The following STXBP5 variants were observed in gnomAD, a reference collection of about 807,000 sequenced individuals.
The protein encoded by STXBP5 is syntaxin binding protein 5.
STXBP5 carries 50 observed loss-of-function variants against 152.4 expected under a neutral mutation model. That is an observed-to-expected ratio of 0.33 (90% CI 0.26 to 0.42). STXBP5 has a LOEUF of 0.42. STXBP5 is among the 10% of genes least tolerant of loss of function. The probability of loss-of-function intolerance (pLI) is 1.00; values close to 1 mark genes in which losing one functional copy is unlikely to be tolerated. For synonymous variants in STXBP5, 492 were observed against 494.7 expected, an observed-to-expected ratio of 0.99 and a Z score of 0.07; for missense variants, 1,167 against 1,388.6, an observed-to-expected ratio of 0.84 and a Z score of 2.54.
chr6:147,283,551 G>A (rs952640336), intron 8 of STXBP5, among the ~76,000 whole-genome samples: 6 of 152,130 alleles, frequency 3.9e-5, no homozygotes, highest in Non-Finnish European at 8.8e-5. Flanking sequence ...AGCTCCCAGT[G>A]AGCACTTACA....
At chr6:147,247,940 A>G (rs956348831) in intron 4 of STXBP5, among the ~76,000 whole-genome samples, 1 of 152,182 alleles carries the variant, frequency 6.6e-6, no homozygotes, top group African/African-American at 2.4e-5. Flanking sequence ...AAAAGATTAT[A>G]TGGAAGGAGG....
intron 21 of STXBP5, among the ~76,000 whole-genome samples, chr6:147,341,096 G>A (rs1462233240): frequency 6.6e-6 from 1 of 152,036 alleles, no homozygotes; most frequent in Admixed American, 6.6e-5. Flanking sequence ...TAAATCACAA[G>A]ATTTGGGTAT....
intron 8 of STXBP5, 106 bp downstream of exon 8, chr6:147,278,310 G>A (rs1455784997): frequency 9.8e-6 from 11 of 1,127,768 alleles, no homozygotes; most frequent in Non-Finnish European, 1.3e-5. Context: ...GATAAGGATG[G>A]GTTTCCTTCT....
At chr6:147,230,276 G>A (rs548519874) in intron 2 of STXBP5, among the ~76,000 whole-genome samples, 1 of 151,782 alleles carries the variant, frequency 6.6e-6, no homozygotes, top group Non-Finnish European at 1.5e-5. Flanking sequence ...CATTTTATAC[G>A]TGGAGATATT....
At chr6:147,255,722 C>T (rs967474275) in intron 4 of STXBP5, among the ~76,000 whole-genome samples, 13 of 152,068 alleles carry the variant, frequency 8.5e-5, no homozygotes, top group South Asian at 4.1e-4. Flanking sequence ...TATATTGCCC[C>T]GGGCTCATCT....
chr6:147,312,579 C>T (rs1395447844), intron 11 of STXBP5, among the ~76,000 whole-genome samples: 3 of 151,970 alleles, frequency 2.0e-5, no homozygotes, highest in African/African-American at 7.3e-5. Context: ...GACAGAGATG[C>T]TGCAAAACAT....
intron 2 of STXBP5, among the ~76,000 whole-genome samples, chr6:147,225,430 C>G (rs114299384): frequency 1.3e-5 from 2 of 152,070 alleles, no homozygotes; most frequent in Non-Finnish European, 2.9e-5. Context: ...GTCTTCCATT[C>G]CTAGGTTGGA....
chr6:147,351,871 C>G (rs1450550101), intron 21 of STXBP5: 2 of 985,288 alleles, frequency 2.0e-6, no homozygotes, highest in Non-Finnish European at 2.4e-6. Context: ...TCTTTGTTTA[C>G]ATGGCGCCCT....
intron 9 of STXBP5, among the ~76,000 whole-genome samples, chr6:147,302,280 C>CA (rs1220491713): frequency 2.0e-5 from 3 of 151,800 alleles, no homozygotes; most frequent in African/African-American, 7.3e-5. Flanking sequence ...TGAAAGACAC[C>CA]AAAATAAACA....
At position 147,231,569 on chromosome 6, in the gene STXBP5, A is replaced by T. The variant is rs189109586; in HGVS notation, c.249-3681A>T. On this transcript the variant is annotated intron_variant, in intron 2 of 27. Transcript: ENST00000321680. Reference sequence around the variant, plus strand: ...GAATACATTGAAGTTTAGAGTTACAAGCTAAGATACAGTGACAGAAAAATA... The same window carrying T: ...GAATACATTGAAGTTTAGAGTTACATGCTAAGATACAGTGACAGAAAAATA... Among the ~76,000 whole-genome samples the T allele has an allele frequency of 8.6e-3, 1,302 of 151,990 alleles. 25 individuals are homozygous for T. The highest frequency in any genetic ancestry group is 0.03 in the African/African-American group (1,249 of 41,528).
At chr6:147,246,455 G>A (rs899899032) in intron 4 of STXBP5, among the ~76,000 whole-genome samples, 3 of 151,954 alleles carry the variant, frequency 2.0e-5, no homozygotes, top group South Asian at 2.1e-4. Flanking sequence ...TTTATTGTTT[G>A]TAAAACCTTT....
At chr6:147,332,785 T>A (rs1783639895) in intron 18 of STXBP5, among the ~76,000 whole-genome samples, 1 of 152,240 alleles carries the variant, frequency 6.6e-6, no homozygotes, top group South Asian at 2.1e-4. Flanking sequence ...ATATCTAAAC[T>A]AAATCCTCTC....
intron 2 of STXBP5, among the ~76,000 whole-genome samples, chr6:147,230,932 G>A (rs1252796648): frequency 6.6e-6 from 1 of 151,684 alleles, no homozygotes; most frequent in African/African-American, 2.4e-5. Flanking sequence ...CTCAGCTTCC[G>A]TGATGATGCT....
intron 9 of STXBP5, among the ~76,000 whole-genome samples, chr6:147,297,877 G>T (rs964263067): frequency 6.8e-6 from 1 of 146,810 alleles, no homozygotes; most frequent in African/African-American, 2.5e-5. Context: ...ACAAGAAAGA[G>T]AAAGGAATCA....
intron 9 of STXBP5, among the ~76,000 whole-genome samples, chr6:147,295,453 A>C (rs1022815425): frequency 2.0e-5 from 3 of 152,194 alleles, no homozygotes; most frequent in Non-Finnish European, 4.4e-5. Context: ...CATCCCCCCC[A>C]CACACGCACA....
chr6:147,346,423 A>T (rs1784332715), intron 21 of STXBP5, among the ~76,000 whole-genome samples: 1 of 152,096 alleles, frequency 6.6e-6, no homozygotes, highest in African/African-American at 2.4e-5. Context: ...AAGCGAGTAT[A>T]TTCCCCAGAA....
At chr6:147,237,900 C>T (rs1476296386) in intron 3 of STXBP5, among the ~76,000 whole-genome samples, 1 of 152,128 alleles carries the variant, frequency 6.6e-6, no homozygotes, top group Non-Finnish European at 1.5e-5. Flanking sequence ...TGTTACATCT[C>T]TTGTCTTATT....
intron 21 of STXBP5, among the ~76,000 whole-genome samples, chr6:147,349,494 CAAAAG>C (rs1784493813): frequency 6.6e-6 from 1 of 152,080 alleles, no homozygotes; most frequent in African/African-American, 2.4e-5. Context: ...AGTTTTACAT[CAAAAG>C]AAAATATACT....
At chr6:147,267,391 C>T (rs755043335) in intron 7 of STXBP5, among the ~76,000 whole-genome samples, 1 of 152,108 alleles carries the variant, frequency 6.6e-6, no homozygotes, top group Non-Finnish European at 1.5e-5. Flanking sequence ...AGCATGTTAC[C>T]AGTTTCTCTC....
Sources: allele counts gnomAD v4.1 joint callset (sites outside exome capture counted in the v4.1 genomes callset), GRCh38; gene constraint gnomAD v4.1.1; transcripts MANE v1.5; gene names NCBI Gene and HGNC (gene_info 2026-07-23, HGNC 2026-07-21).